The following TOX3 variants were observed in gnomAD, a reference collection of about 807,000 sequenced individuals.
TOX3 encodes the protein TOX high mobility group box family member 3.
Under a neutral mutation model 64.3 loss-of-function variants are expected in TOX3, and 22 were observed. The observed-to-expected ratio is 0.34, with a 90% CI of 0.24 to 0.49. TOX3 has a LOEUF of 0.49. TOX3 is among the 20% of genes least tolerant of loss of function. The pLI is 0.99. For synonymous variants in TOX3, 291 were observed against 273.6 expected (o/e 1.06, Z -0.63); for missense variants, 661 against 714.4 (o/e 0.93, Z 0.85).
At chr16:52,498,874 T>A (rs986685021) in intron 1 of TOX3, among the ~76,000 whole-genome samples, 2 of 152,206 alleles carry the variant, frequency 1.3e-5, no homozygotes, top group African/African-American at 4.8e-5. Flanking sequence ...AAATGAAGGA[T>A]GTACGCGGGG....
In TOX3 at chr16:52,464,150, G is replaced by C. The variant is rs1960783883; in HGVS notation, c.192C>G (p.Phe64Leu). 3 of 1,577,578 alleles carry C rather than the reference G, an allele frequency of 1.9e-6. No homozygotes were observed. The highest frequency in any genetic ancestry group is 2.6e-6 in the Non-Finnish European group (3 of 1,160,902). Residue 64 changes from phenylalanine (F) to leucine (L), a missense_variant, in exon 3 of 7, where the codon TTC becomes TTG. Physicochemically the swap from Phe to Leu is conservative, Grantham distance 22 (BLOSUM62 0). Coordinates refer to ENST00000219746, the MANE Select transcript of TOX3 (RefSeq NM_001080430.4). ...GAGGAGGCGTGATTGGTGGAATTTC[G>C]AATTCCTCGTCCCCAAGGCTTGGTG... is the stretch of plus-strand genomic sequence containing the variant. ...FHTPSLGDEE[F>L]EIPPITPPPE...
rs56848244 is a variant in TOX3, at chr16:52,492,564, AATATATATATATAT to A, written c.88-24004_88-23991del. Among the ~76,000 whole-genome samples, 288 of 90,684 alleles carry A rather than the reference AATATATATATATAT, an allele frequency of 3.2e-3. 2 individuals are homozygous for A. Among genetic ancestry groups the A allele is most frequent in the East Asian group, 0.019 (59 of 3,044 alleles). The allele number at this position is 90,684 out of a possible 152,430, so 59.5% of individuals were successfully genotyped here. ...CACAACACTATATTAGTTGTATATAAATATATATATATATATATATATATATATATTCCTTAATT... is the reference window on the plus strand; with the variant it reads ...CACAACACTATATTAGTTGTATATAAATATATATATATATATTCCTTAATT... On this transcript the variant is annotated intron_variant, in intron 1 of 6. Coordinates refer to ENST00000219746, the MANE Select transcript of TOX3 (RefSeq NM_001080430.4).
At position 52,464,162 on chromosome 16, in the gene TOX3, C is replaced by A; in HGVS notation, c.180G>T (p.Gly60=). The A allele has an allele frequency of 6.4e-7, 1 of 1,569,504 alleles. No individual in the cohort carries two copies. The highest frequency in any genetic ancestry group is 2.3e-5 in the East Asian group (1 of 42,918). ...TTGGTGGAATTTCGAATTCCTCGTC[C>A]CCAAGGCTTGGTGTGTGGAATGTCT... ...SEQTFHTPSL[G]DEEFEIPPIT... is the part of the protein sequence containing the mutation. The change falls in exon 3 of 7, where the codon GGG becomes GGT. Residue 60 remains glycine, a synonymous_variant. Coordinates refer to ENST00000219746, the MANE Select transcript of TOX3 (RefSeq NM_001080430.4).
chr16:52,517,127 A>G (rs1040510076), intron 1 of TOX3, among the ~76,000 whole-genome samples: 1 of 152,236 alleles, frequency 6.6e-6, no homozygotes, highest in Admixed American at 6.5e-5. Context: ...ACCATAATAC[A>G]TGGCAGAAAC....
chr16:52,477,426 A>C (rs1961240120), intron 1 of TOX3, among the ~76,000 whole-genome samples: 1 of 152,236 alleles, frequency 6.6e-6, no homozygotes, highest in African/African-American at 2.4e-5. Flanking sequence ...GATGCACAAG[A>C]GTAGTATTAA....
chr16:52,450,361 T>C lies in TOX3; in HGVS notation c.594A>G (p.Thr198=), dbSNP rs748130270. The C allele has an allele frequency of 2.5e-6, 4 of 1,613,752 alleles. No homozygotes were observed. Among genetic ancestry groups the C allele is most frequent in the Non-Finnish European group, 3.4e-6 (4 of 1,179,872 alleles). The change falls in exon 4 of 7, where the codon ACA becomes ACG. Residue 198 remains threonine (T), a synonymous_variant. Coordinates refer to ENST00000219746, the MANE Select transcript of TOX3 (RefSeq NM_001080430.4). ...ATTTGCTTGCTGGAGGTGAAGGAGA[T>C]GTGTGAGGCATACTGGCACCTCCCA... ...LNLGGASMPH[T]SPSPPASKSA...
chr16:52,457,304 T>C lies in TOX3; in HGVS notation c.408+6630A>G, dbSNP rs149496166. The stretch of plus-strand genomic sequence containing the variant: ...ATTATTATTCTATATTATGTGTTTA[T>C]ACTTATTACAATGGCACTTACACTT... On this transcript the variant is annotated intron_variant, in intron 3 of 6. Transcript: ENST00000219746. 5.8e-4 allele frequency among the ~76,000 whole-genome samples: 88 copies of C among 152,340 alleles called. No homozygotes were observed. In the East Asian group the frequency reaches 0.014, roughly 24 times the overall value.
At chr16:52,481,765 CA>C (rs1169430973) in intron 1 of TOX3, among the ~76,000 whole-genome samples, 3 of 152,324 alleles carry the variant, frequency 2.0e-5, no homozygotes, top group African/African-American at 7.2e-5. Flanking sequence ...ATCTTGATTA[CA>C]TACATTTTTC....
chr16:52,487,686 G>A (rs1961568637), intron 1 of TOX3, among the ~76,000 whole-genome samples: 1 of 152,084 alleles, frequency 6.6e-6, no homozygotes, highest in African/African-American at 2.4e-5. Flanking sequence ...TTTTCAATAA[G>A]GTCTTAAAAA....
chr16:52,538,085 A>G (rs1187890158), intron 1 of TOX3, among the ~76,000 whole-genome samples: 3 of 152,144 alleles, frequency 2.0e-5, no homozygotes, highest in Non-Finnish European at 2.9e-5. Context: ...CAATCATTTT[A>G]ACCACTTTTC....
chr16:52,486,713 GCTGAGCC>G (rs936533504), intron 1 of TOX3, among the ~76,000 whole-genome samples: 2 of 152,042 alleles, frequency 1.3e-5, no homozygotes, highest in Non-Finnish European at 2.9e-5. Flanking sequence ...AGGAGAATCA[GCTGAGCC>G]CTGGAGTTCG....
intron 3 of TOX3, among the ~76,000 whole-genome samples, chr16:52,457,395 T>G (rs143937826): frequency 6.6e-6 from 1 of 152,286 alleles, no homozygotes; most frequent in African/African-American, 2.4e-5. Context: ...GCATCTTCTA[T>G]CTATACTTAC....
chr16:52,440,052 A>AT (rs921465674), intron 6 of TOX3, 84 bp from the exon 7 acceptor site: 167 of 1,173,774 alleles, frequency 1.4e-4, no homozygotes, highest in Non-Finnish European at 1.6e-4. Flanking sequence ...TTATAAATTG[A>AT]TTTTTTTTAA....
intron 1 of TOX3, among the ~76,000 whole-genome samples, chr16:52,526,235 A>C (rs533269641): frequency 6.6e-6 from 1 of 152,228 alleles, no homozygotes; most frequent in Non-Finnish European, 1.5e-5. Context: ...TTCAATAATC[A>C]GGGAGAAATG....
At chr16:52,443,077 C>A (rs988871495) in intron 6 of TOX3, among the ~76,000 whole-genome samples, 2 of 152,096 alleles carry the variant, frequency 1.3e-5, no homozygotes, top group Non-Finnish European at 2.9e-5. Context: ...ATCACCTATA[C>A]CTGCTCTGGA....
intron 1 of TOX3, among the ~76,000 whole-genome samples, chr16:52,532,564 A>G (rs1962874397): frequency 6.6e-6 from 1 of 152,232 alleles, no homozygotes; most frequent in Middle Eastern, 3.2e-3. Context: ...TGCCCTTCTG[A>G]GCCCAACCTA....
At chr16:52,483,041 A>T (rs1961409965) in intron 1 of TOX3, among the ~76,000 whole-genome samples, 1 of 152,160 alleles carries the variant, frequency 6.6e-6, no homozygotes, top group African/African-American at 2.4e-5. Flanking sequence ...TAAGTAACAG[A>T]TTCCATGAGG....
chr16:52,439,968 C>G lies in TOX3; in HGVS notation c.988G>C (p.Ala330Pro). The part of the protein sequence containing the change: ...AAYRASLVSK[A>P]AAESAEAQTI... ...TGGGCTTCTGCTGACTCAGCAGCAG[C>G]CTGCATTTTGGGGGAGAAAATTCCA... Residue 330 changes from alanine to proline, a missense_variant and splice_region_variant, in exon 7 of 7, where the codon GCT (alanine) becomes CCT (proline). Coordinates refer to ENST00000219746, the MANE Select transcript of TOX3 (RefSeq NM_001080430.4). 6.5e-7 allele frequency: 1 copy of G among 1,534,668 alleles called. No individual in the cohort carries two copies. Among genetic ancestry groups the G allele is most frequent in the Non-Finnish European group, 8.8e-7 (1 of 1,141,948 alleles).
chr16:52,515,193 A>AAAAAAG (rs1555487072), intron 1 of TOX3, among the ~76,000 whole-genome samples: 2 of 150,888 alleles, frequency 1.3e-5, no homozygotes, highest in South Asian at 4.1e-4. Flanking sequence ...GTTAAAAAAA[A>AAAAAAG]AAAAAGAAAA....
Sources: gnomAD v4.1 joint callset for allele counts (sites outside exome capture counted in the v4.1 genomes callset) on GRCh38, gnomAD v4.1.1 for gene constraint, MANE v1.5 for transcripts, NCBI Gene and HGNC (gene_info 2026-07-23, HGNC 2026-07-21) for gene names.